CA10: variants seen among roughly 807,000 people sequenced by gnomAD.
The protein encoded by CA10 is carbonic anhydrase-related protein 10.
A neutral mutation model predicts 44.2 loss-of-function variants in CA10; 14 were observed. That is an observed-to-expected ratio of 0.32 (90% CI 0.21 to 0.50). The LOEUF is 0.50. Ranked by LOEUF, CA10 falls within the 20% of genes least tolerant of loss-of-function variation. The pLI is 0.99. For synonymous variants in CA10, 159 were observed against 141.6 expected (o/e 1.12, Z -0.87); for missense variants, 350 against 409.7 (o/e 0.85, Z 1.26).
At chr17:51,947,053 A>C (rs926863300) in intron 2 of CA10, among the ~76,000 whole-genome samples, 9 of 152,146 alleles carry the variant, frequency 5.9e-5, no homozygotes, top group Non-Finnish European at 1.0e-4. Context: ...CAGTAAAAAC[A>C]AAAATATGAT....
At chr17:52,084,782 G>T in intron 1 of CA10, among the ~76,000 whole-genome samples, 1 of 149,338 alleles carries the variant, frequency 6.7e-6, no homozygotes, top group East Asian at 1.9e-4. Context: ...GGAAAACTCT[G>T]GTTTTAGTAA....
intron 1 of CA10, among the ~76,000 whole-genome samples, chr17:52,127,307 T>A (rs1989140346): frequency 6.6e-6 from 1 of 152,236 alleles, no homozygotes. Context: ...CACTGTGGCA[T>A]AGTATTGTAT....
At chr17:51,805,252 TATTC>T (rs1907082855) in intron 3 of CA10, among the ~76,000 whole-genome samples, 1 of 152,258 alleles carries the variant, frequency 6.6e-6, no homozygotes, top group Non-Finnish European at 1.5e-5. Flanking sequence ...TCCACTATTC[TATTC>T]ATTAACTTAA....
intron 3 of CA10, among the ~76,000 whole-genome samples, chr17:51,781,133 G>C (rs181670922): frequency 6.6e-6 from 1 of 152,258 alleles, no homozygotes; most frequent in East Asian, 1.9e-4. Context: ...GCTTAGTAAG[G>C]ACGAGATCAA....
At chr17:51,839,810 A>G (rs1439918663) in intron 3 of CA10, among the ~76,000 whole-genome samples, 2 of 152,224 alleles carry the variant, frequency 1.3e-5, no homozygotes, top group Non-Finnish European at 2.9e-5. Context: ...TGGCAGAGGA[A>G]TCCACATGAA....
intron 4 of CA10, among the ~76,000 whole-genome samples, chr17:51,711,778 A>C (rs1915949975): frequency 6.6e-6 from 1 of 152,188 alleles, no homozygotes; most frequent in South Asian, 2.1e-4. Flanking sequence ...AGACAAGAAG[A>C]TCAGCCTCTG....
intron 2 of CA10, among the ~76,000 whole-genome samples, chr17:51,984,655 T>C (rs747132920): frequency 1.4e-4 from 21 of 151,478 alleles, no homozygotes; most frequent in Non-Finnish European, 3.0e-4. Flanking sequence ...CCAAATAACC[T>C]CACTAAGAAA....
At chr17:52,129,451 C>T (rs985548094) in intron 1 of CA10, among the ~76,000 whole-genome samples, 3 of 152,228 alleles carry the variant, frequency 2.0e-5, no homozygotes, top group Admixed American at 6.5e-5. Flanking sequence ...TTGCTATCCT[C>T]GTTATGGATA....
chr17:52,133,438 T>C (rs1566712), intron 1 of CA10, among the ~76,000 whole-genome samples: 99,784 of 151,812 alleles, frequency 0.66, 34,646 homozygotes, highest in African/African-American at 0.89. Flanking sequence ...GGAAAGTCAG[T>C]GAAGAGGTGG....
chr17:52,040,743 G>A (rs930483617), intron 2 of CA10, among the ~76,000 whole-genome samples: 10 of 152,004 alleles, frequency 6.6e-5, no homozygotes, highest in Non-Finnish European at 1.0e-4. Flanking sequence ...TTCAGAGTTC[G>A]GAGAGACCAA....
At position 51,871,268 on chromosome 17, in the gene CA10, G is replaced by T. The variant is rs139756191; in HGVS notation, c.279+59722C>A. Among the ~76,000 whole-genome samples the T allele has an allele frequency of 6.9e-3, 1,045 of 151,036 alleles. 14 individuals are homozygous for T. The highest frequency in any genetic ancestry group is 0.024 in the African/African-American group (969 of 41,218). On this transcript the variant is annotated intron_variant, in intron 3 of 8. Coordinates refer to ENST00000451037, the MANE Select transcript of CA10 (RefSeq NM_020178.5). The stretch of plus-strand genomic sequence containing the variant: ...TTATTTAAGATGGAGTTTCGCTCTT[G>T]TTGCCCAGGCTGGAGTGCAATGGCA...
chr17:52,082,380 G>T (rs1156254730), intron 1 of CA10, among the ~76,000 whole-genome samples: 7 of 152,124 alleles, frequency 4.6e-5, no homozygotes, highest in African/African-American at 1.7e-4. Context: ...TTTTAAGAGG[G>T]TAACTATAAT....
rs1459158591 is a variant in CA10 at position 51,808,209 on chromosome 17, A to T, written c.280-60391T>A. Among the ~76,000 whole-genome samples, 3 of 152,162 alleles carry T rather than the reference A, an allele frequency of 2.0e-5. No individual in the cohort carries two copies. In the East Asian group the frequency reaches 5.8e-4, roughly 29 times the overall value. On this transcript the variant is annotated intron_variant, in intron 3 of 8. Coordinates refer to ENST00000451037, the MANE Select transcript of CA10 (RefSeq NM_020178.5). ...TCAGTCAATTGAAGAAAGGTTTTAAAGTTTCTTAGAGAGTTTATAAATGTG... is the reference window on the plus strand; with the variant it reads ...TCAGTCAATTGAAGAAAGGTTTTAATGTTTCTTAGAGAGTTTATAAATGTG...
intron 2 of CA10, among the ~76,000 whole-genome samples, chr17:52,032,124 C>T (rs1157444251): frequency 6.6e-6 from 1 of 152,180 alleles, no homozygotes; most frequent in Non-Finnish European, 1.5e-5. Context: ...TACCCACTAT[C>T]ACTACAGCCC....
At chr17:51,692,765 A>C (rs935855972) in intron 4 of CA10, among the ~76,000 whole-genome samples, 1 of 152,236 alleles carries the variant, frequency 6.6e-6, no homozygotes, top group African/African-American at 2.4e-5. Flanking sequence ...ATTTGTATGC[A>C]GGTTTTCATG....
chr17:52,010,388 CTGTG>C (rs745512640), intron 2 of CA10, among the ~76,000 whole-genome samples: 20 of 151,590 alleles, frequency 1.3e-4, no homozygotes, highest in Non-Finnish European at 2.4e-4. Context: ...AGAAAATGTG[CTGTG>C]TGTGTGTATG....
chr17:51,670,638 C>A (rs1482588435), intron 4 of CA10, among the ~76,000 whole-genome samples: 1 of 152,176 alleles, frequency 6.6e-6, no homozygotes, highest in Non-Finnish European at 1.5e-5. Context: ...AGCATCCATA[C>A]TTCCCCAAGT....
intron 3 of CA10, among the ~76,000 whole-genome samples, chr17:51,918,974 G>T (rs1029179869): frequency 1.6e-4 from 25 of 152,208 alleles, no homozygotes; most frequent in African/African-American, 6.0e-4. Flanking sequence ...AATTAAGTCT[G>T]GGAGCTGCTC....
At chr17:51,681,781 A>C (rs1484347795) in intron 4 of CA10, among the ~76,000 whole-genome samples, 1 of 152,182 alleles carries the variant, frequency 6.6e-6, no homozygotes, top group Non-Finnish European at 1.5e-5. Flanking sequence ...ACCATCACCC[A>C]AATAACATAC....
Sources: gnomAD v4.1 joint callset for allele counts (sites outside exome capture counted in the v4.1 genomes callset) on GRCh38, gnomAD v4.1.1 for gene constraint, MANE v1.5 for transcripts, NCBI Gene and HGNC (gene_info 2026-07-23, HGNC 2026-07-21) for gene names.